Variants in ZER1 observed in about 807,000 individuals in gnomAD.
ZER1 encodes zyg-11 related cell cycle regulator, also known as protein zer-1 homolog.
In ZER1, 11 loss-of-function variants were observed where a neutral mutation model predicts 78.8. That is an observed-to-expected ratio of 0.14 (90% CI 0.09 to 0.23). The LOEUF (loss-of-function observed/expected upper bound fraction) is 0.23. Ranked by LOEUF, ZER1 falls within the 10% of genes least tolerant of loss-of-function variation. ZER1 has a pLI of 1.00. For missense variants in ZER1, 588 were observed against 996.9 expected (o/e 0.59, Z 5.52); for synonymous variants, 400 against 407.0 (o/e 0.98, Z 0.21).
intron 1 of ZER1, among the ~76,000 whole-genome samples, chr9:128,760,090 G>T (rs1201844637): frequency 6.6e-6 from 1 of 151,672 alleles, no homozygotes; most frequent in Non-Finnish European, 1.5e-5. Context: ...GTGTTGCCCA[G>T]GTTGGTCTCG....
At chr9:128,745,480 C>T (rs1224346913) in intron 8 of ZER1, among the ~76,000 whole-genome samples, 1 of 151,918 alleles carries the variant, frequency 6.6e-6, no homozygotes. Context: ...GTCTCAGCCT[C>T]CCAAGTAGCT....
At position 128,754,035 on chromosome 9, in the gene ZER1, C is replaced by T; in HGVS notation, c.159-76G>A. The T allele has an allele frequency of 6.6e-7, 1 of 1,511,308 alleles. No homozygotes were observed. Among genetic ancestry groups the T allele is most frequent in the South Asian group, 1.3e-5 (1 of 79,476 alleles). The allele number at this position is 1,511,308 out of a possible 1,614,324, so 93.6% of individuals were successfully genotyped here. On this transcript the variant is annotated intron_variant, in intron 2 of 15. Coordinates refer to ENST00000291900, the MANE Select transcript of ZER1 (RefSeq NM_006336.4). The surrounding 1 kb of genome is among the most constrained non-coding windows in gnomAD (Gnocchi z 4.3). ...CTCGCTTCAAAGCCAAGCCCTCCTC[C>T]CCCTGAAGCTTTCTTGGATCACCCC... is the stretch of plus-strand genomic sequence containing the variant.
At chr9:128,741,133 C>T (rs1863276515) in intron 11 of ZER1, among the ~76,000 whole-genome samples, 2 of 152,152 alleles carry the variant, frequency 1.3e-5, no homozygotes, top group Non-Finnish European at 1.5e-5. Flanking sequence ...ATGGGACAGA[C>T]GTGGTTCTGT....
chr9:128,768,951 T>TC (rs1263402854), intron 1 of ZER1, among the ~76,000 whole-genome samples: 1 of 151,988 alleles, frequency 6.6e-6, no homozygotes, highest in Non-Finnish European at 1.5e-5. Context: ...TCATTTTAAT[T>TC]CTTTTTTTTT....
intron 13 of ZER1, among the ~76,000 whole-genome samples, chr9:128,739,078 C>G (rs1213760957): frequency 2.0e-5 from 3 of 151,496 alleles, no homozygotes; most frequent in Non-Finnish European, 2.9e-5. Context: ...TCTTGAACTC[C>G]TGACCTCGTG....
chr9:128,739,488 C>G (rs532648934), intron 13 of ZER1, among the ~76,000 whole-genome samples: 12 of 143,394 alleles, frequency 8.4e-5, no homozygotes, highest in Non-Finnish European at 1.8e-4. Context: ...GGCGACAGAG[C>G]AAGACTCTGT....
At chr9:128,758,650 G>A (rs1024079498) in intron 1 of ZER1, among the ~76,000 whole-genome samples, 5 of 151,824 alleles carry the variant, frequency 3.3e-5, no homozygotes, top group Non-Finnish European at 5.9e-5. Context: ...ATGTTATTCA[G>A]GCTGGTCTCA....
intron 13 of ZER1, among the ~76,000 whole-genome samples, chr9:128,736,672 C>CTTT (rs777824240): frequency 2.3e-5 from 3 of 129,226 alleles, no homozygotes; most frequent in African/African-American, 8.9e-5. Context: ...CATGCCTGGC[C>CTTT]TTTTTTTTTT....
Position 128,754,582 on chromosome 9 carries a change from C to T in ZER1, c.159-623G>A, listed in dbSNP as rs1564404802. Among the ~76,000 whole-genome samples the T allele has an allele frequency of 6.6e-6, 1 of 152,144 alleles. No homozygotes were observed. Among genetic ancestry groups the T allele is most frequent in the African/African-American group, 2.4e-5 (1 of 41,436 alleles). On this transcript the variant is annotated intron_variant, in intron 2 of 15. Transcript: ENST00000291900. The surrounding 1 kb of genome is among the most constrained non-coding windows in gnomAD (Gnocchi z 4.3). ...AGTGTCCAACCTAAAGCCTGACCCA[C>T]GGTAAATGCTCAGGACGTTATTACA...
chr9:128,733,610 G>A, intron 14 of ZER1, 82 bp from the exon 15 acceptor site: 1 of 1,261,428 alleles, frequency 7.9e-7, no homozygotes, highest in East Asian at 2.5e-5. Context: ...CTGTCTGTGA[G>A]GACTATCCTG....
rs1863168513 is a variant in ZER1, at chr9:128,738,462, T to G, written c.2042+1469A>C. Among the ~76,000 whole-genome samples the G allele has an allele frequency of 1.3e-5, 2 of 150,142 alleles. 1 individual carries two copies. The highest frequency in any genetic ancestry group is 4.2e-4 in the South Asian group (2 of 4,772). ...GTGCAGTGGCGCGATCTCGGCTAACTGCAAGCTCCGCCTCCCAGGTTCACA... is the reference window on the plus strand; with the variant it reads ...GTGCAGTGGCGCGATCTCGGCTAACGGCAAGCTCCGCCTCCCAGGTTCACA... On this transcript the variant is annotated intron_variant, in intron 13 of 15. Coordinates refer to ENST00000291900, the MANE Select transcript of ZER1 (RefSeq NM_006336.4).
intron 8 of ZER1, among the ~76,000 whole-genome samples, chr9:128,744,143 C>T (rs1863404989): frequency 6.6e-6 from 1 of 151,932 alleles, no homozygotes; most frequent in Non-Finnish European, 1.5e-5. Context: ...GTGATCCACC[C>T]ACCTCGGCCT....
At chr9:128,748,985 C>T (rs1377533749) in intron 8 of ZER1, among the ~76,000 whole-genome samples, 2 of 146,848 alleles carry the variant, frequency 1.4e-5, no homozygotes, top group African/African-American at 2.5e-5. Context: ...GGATTACAGG[C>T]GTGAGCCACC....
At chr9:128,743,489 A>G (rs1863376221) in intron 8 of ZER1, among the ~76,000 whole-genome samples, 1 of 151,580 alleles carries the variant, frequency 6.6e-6, no homozygotes. Context: ...TGGCACCATC[A>G]TGGCTCACTG....
At chr9:128,743,235 A>G (rs1863366572) in intron 8 of ZER1, among the ~76,000 whole-genome samples, 1 of 151,766 alleles carries the variant, frequency 6.6e-6, no homozygotes, top group African/African-American at 2.4e-5. Context: ...CTCCTGCCTC[A>G]GCCTCCTGAG....
rs150727016 is a variant in ZER1 at position 128,755,462 on chromosome 9, C to T, written c.104G>A (p.Arg35Gln). The change falls in exon 2 of 16, where the codon CGG becomes CAG. Residue 35 changes from arginine to glutamine, a missense_variant. Arg to Gln is a conservative substitution (Grantham distance 43). Transcript: ENST00000291900. The surrounding 1 kb of genome is among the most constrained non-coding windows in gnomAD (Gnocchi z 5.6). ...GGGCAAGAAGATGTCCGGATGTAGC[C>T]GCAGGGTCTCCTTGTCCAGCAGGTA... ...LGYLLDKETL[R>Q]LHPDIFLPSE... The T allele has an allele frequency of 9.0e-4, 1,451 of 1,614,024 alleles. 2 individuals carry two copies. Among genetic ancestry groups the T allele is most frequent in the East Asian group, 1.9e-3 (87 of 44,868 alleles).
chr9:128,759,542 TC>T lies in ZER1; in HGVS notation c.-94-3884del, dbSNP rs561383065. ...TGGGCATGGTGGCTCACGCCTGTAATCCCAGCACTTTGGGAGGCCAAGGCAG... is the reference window on the plus strand; with the variant it reads ...TGGGCATGGTGGCTCACGCCTGTAATCCAGCACTTTGGGAGGCCAAGGCAG... On this transcript the variant is annotated intron_variant, in intron 1 of 15. Transcript: ENST00000291900. Among the ~76,000 whole-genome samples the T allele has an allele frequency of 3.1e-4, 47 of 151,666 alleles. 1 individual carries two copies. In the East Asian group the frequency reaches 9.2e-3, roughly 30 times the overall value.
intron 1 of ZER1, among the ~76,000 whole-genome samples, chr9:128,766,375 T>C (rs1236968525): frequency 6.7e-6 from 1 of 149,878 alleles, no homozygotes; most frequent in Non-Finnish European, 1.5e-5. Context: ...AAGAACTCTG[T>C]TAAGTATTTT....
At chr9:128,746,282 C>T (rs1863487880) in intron 8 of ZER1, 1 of 152,276 alleles carries the variant, frequency 6.6e-6, no homozygotes, top group East Asian at 1.9e-4. Flanking sequence ...TTGCACGATT[C>T]ATCCCTTACC....
Sources: gnomAD v4.1 joint callset for allele counts (sites outside exome capture counted in the v4.1 genomes callset) on GRCh38, gnomAD v4.1.1 for gene constraint, Gnocchi (gnomAD v3.1) non-coding constraint, MANE v1.5 for transcripts, NCBI Gene and HGNC (gene_info 2026-07-23, HGNC 2026-07-21) for gene names.